Variants in SLC12A2 observed in about 807,000 individuals in gnomAD.
SLC12A2 encodes the protein Na-K-2Cl cotransporter 1.
Under a neutral mutation model 136.3 loss-of-function variants are expected in SLC12A2, and 67 were observed. That is an observed-to-expected ratio of 0.49 (90% CI 0.40 to 0.60). The LOEUF (loss-of-function observed/expected upper bound fraction) is 0.60. Ranked by LOEUF, SLC12A2 falls within the 20% of genes least tolerant of loss-of-function variation. SLC12A2 has a pLI of 0.00. For missense variants in SLC12A2, 1,322 were observed against 1,534.7 expected, an observed-to-expected ratio of 0.86 and a Z score of 2.32; for synonymous variants, 619 against 562.9, an observed-to-expected ratio of 1.10 and a Z score of -1.41.
rs1174845357 is a variant in SLC12A2, at chr5:128,184,977, A to T, written c.3503+121A>T. On this transcript the variant is annotated intron_variant, in intron 26 of 26. Coordinates refer to ENST00000262461, the MANE Select transcript of SLC12A2 (RefSeq NM_001046.3). ...TTGACTTAGTGGTTATAAGGAGGAA[A>T]AAACAAACTTGTAAAAATATACTAT... 13 of 817,056 alleles carry T rather than the reference A, an allele frequency of 1.6e-5. No homozygotes were observed. The Admixed American group carries it at 2.9e-4, about 18-fold the overall frequency. The allele number at this position is 817,056 out of a possible 1,614,324, so 50.6% of individuals were successfully genotyped here.
At chr5:128,168,083 TATATAC>T in intron 18 of SLC12A2, 4 of 385,798 alleles carry the variant, frequency 1.0e-5, no homozygotes, top group East Asian at 5.0e-5. Flanking sequence ...CATATATATA[TATATAC>T]ACACACACAC....
intron 19 of SLC12A2, 189 bp downstream of exon 19, chr5:128,171,935 G>A: frequency 6.8e-6 from 3 of 439,930 alleles, no homozygotes; most frequent in Non-Finnish European, 1.2e-5. Context: ...TACCAACCTG[G>A]ATGATGGTTA....
chr5:128,161,468 C>A (rs1478799402), intron 16 of SLC12A2, among the ~76,000 whole-genome samples, 192 bp from the exon 17 acceptor site: 1 of 152,106 alleles, frequency 6.6e-6, no homozygotes, highest in Non-Finnish European at 1.5e-5. Context: ...TGTGCCTTAG[C>A]TATTCCATCA....
chr5:128,183,640 GA>G (rs1763777622), intron 24 of SLC12A2, among the ~76,000 whole-genome samples: 1 of 151,724 alleles, frequency 6.6e-6, no homozygotes. Flanking sequence ...TTTGGATGTA[GA>G]AATTAATTTT....
intron 7 of SLC12A2, among the ~76,000 whole-genome samples, chr5:128,136,875 TA>T (rs1467328438): frequency 2.6e-5 from 4 of 152,170 alleles, no homozygotes; most frequent in Non-Finnish European, 5.9e-5. Context: ...AGTCCAAACA[TA>T]AATATATATC....
intron 4 of SLC12A2, among the ~76,000 whole-genome samples, chr5:128,116,598 C>G (rs970309129): frequency 1.3e-5 from 2 of 151,900 alleles, no homozygotes; most frequent in African/African-American, 2.4e-5. Context: ...AGGGTAAAAA[C>G]CACTTGAAAT....
At chr5:128,169,181 C>T (rs1055377359) in intron 18 of SLC12A2, 29 of 152,000 alleles carry the variant, frequency 1.9e-4, no homozygotes, top group African/African-American at 6.0e-4. Flanking sequence ...TTTTTCTCAT[C>T]CTAAGCACTG....
chr5:128,089,173 A>G (rs1760214602), intron 1 of SLC12A2, among the ~76,000 whole-genome samples: 1 of 150,168 alleles, frequency 6.7e-6, no homozygotes, highest in East Asian at 1.9e-4. Context: ...TGTCTCCAAA[A>G]AAAAAAAAAA....
At chr5:128,121,579 C>T (rs1761581217) in intron 4 of SLC12A2, among the ~76,000 whole-genome samples, 1 of 152,104 alleles carries the variant, frequency 6.6e-6, no homozygotes, top group South Asian at 2.1e-4. Flanking sequence ...GCCTCAGCCT[C>T]CCAAAGTGCT....
intron 4 of SLC12A2, among the ~76,000 whole-genome samples, chr5:128,127,080 A>G (rs1409668495): frequency 3.6e-5 from 5 of 137,258 alleles, no homozygotes; most frequent in East Asian, 4.3e-4. Flanking sequence ...TAGTTTAACA[A>G]TTTTTGAGTA....
At chr5:128,175,936 C>A (rs995939349) in intron 20 of SLC12A2, among the ~76,000 whole-genome samples, 6 of 151,864 alleles carry the variant, frequency 4.0e-5, no homozygotes, top group Non-Finnish European at 7.4e-5. Flanking sequence ...TCTAATGATT[C>A]TTTTTCCATT....
rs998178899 is a variant in SLC12A2 at position 128,186,586 on chromosome 5, C to G, written c.3594C>G (p.Leu1198=). The G allele has an allele frequency of 6.2e-7, 1 of 1,613,878 alleles. No individual in the cohort carries two copies. The highest frequency in any genetic ancestry group is 1.7e-5 in the Admixed American group (1 of 60,008). Residue 1198 remains leucine, a synonymous_variant, in exon 27 of 27, where the codon CTC becomes CTG. Transcript: ENST00000262461. ...EALSKDLPPI[L]LVRGNHQSVL... The stretch of plus-strand genomic sequence containing the variant: ...TATCTAAGGACCTACCACCAATCCT[C>G]CTAGTTCGTGGGAATCATCAGAGTG...
At chr5:128,088,007 CTGTGTGTGTGTGTGTG>C (rs58191870) in intron 1 of SLC12A2, among the ~76,000 whole-genome samples, 1 of 140,292 alleles carries the variant, frequency 7.1e-6, no homozygotes, top group African/African-American at 2.7e-5. Flanking sequence ...GGAGGAGGCT[CTGTGTGTGTGTGTGTG>C]TGTGTGTGTG....
In SLC12A2 at chr5:128,110,834, A is replaced by T. The variant is rs888765179; in HGVS notation, c.757-1980A>T. The T allele has an allele frequency of 4.2e-5, 62 of 1,469,466 alleles. No individual in the cohort carries two copies. The East Asian group carries it at 1.4e-3, about 33-fold the overall frequency. The allele number at this position is 1,469,466 out of a possible 1,614,324, so 91.0% of individuals were successfully genotyped here. On this transcript the variant is annotated intron_variant, in intron 1 of 26. Transcript: ENST00000262461. ...GAATTTGCAAGAAATAATCTCATGG[A>T]TGATGACATATTCTGTTATTATTTC... is the stretch of plus-strand genomic sequence containing the variant.
In SLC12A2 at chr5:128,189,581, TCA is replaced by T. The variant is rs1261073038; in HGVS notation, c.*2955_*2956del. Reference sequence around the variant, plus strand: ...TTTTGATAATACTGTAATATACCTGTCACACAAATGCTTTTCTAATGTTTTAA... The same window carrying T: ...TTTTGATAATACTGTAATATACCTGTCACAAATGCTTTTCTAATGTTTTAA... On this transcript the variant is annotated 3_prime_UTR_variant, in exon 27 of 27. Transcript: ENST00000262461. 2 of 152,650 alleles carry T rather than the reference TCA, an allele frequency of 1.3e-5. No individual in the cohort carries two copies. The highest frequency in any genetic ancestry group is 2.9e-5 in the Non-Finnish European group (2 of 68,022). 9.5% of individuals were successfully genotyped at this position (152,650 alleles called of 1,614,324 possible). A position where few individuals can be genotyped will look rare whatever the true frequency, so the allele number is the denominator to read the frequency against.
At chr5:128,169,243 T>C (rs1370501181) in intron 18 of SLC12A2, 1 of 152,170 alleles carries the variant, frequency 6.6e-6, no homozygotes, top group Non-Finnish European at 1.5e-5. Flanking sequence ...AAAAAAACTT[T>C]TATTTACAAA....
intron 1 of SLC12A2, among the ~76,000 whole-genome samples, chr5:128,095,049 T>C (rs937855986): frequency 2.6e-5 from 4 of 152,156 alleles, no homozygotes; most frequent in Non-Finnish European, 5.9e-5. Flanking sequence ...TAATTCCTTT[T>C]CTTCCACATT....
chr5:128,152,848 T>A (rs773890242), intron 15 of SLC12A2, 43 bp downstream of exon 15: 2 of 1,157,254 alleles, frequency 1.7e-6, no homozygotes, highest in Admixed American at 3.4e-5. Flanking sequence ...TTCTCTTTGC[T>A]GGCCAGTCAG....
chr5:128,171,468 G>A (rs533529845), intron 18 of SLC12A2, among the ~76,000 whole-genome samples, 199 bp from the exon 19 acceptor site: 24 of 152,228 alleles, frequency 1.6e-4, no homozygotes, highest in Non-Finnish European at 3.2e-4. Context: ...GTTTTCAAGG[G>A]TATTACAGAA....
Sources: gnomAD v4.1 joint callset for allele counts (sites outside exome capture counted in the v4.1 genomes callset) on GRCh38, gnomAD v4.1.1 for gene constraint, MANE v1.5 for transcripts, NCBI Gene and HGNC (gene_info 2026-07-23, HGNC 2026-07-21) for gene names.